Variants in PDE8B observed in about 807,000 individuals in gnomAD.
PDE8B encodes the protein high affinity cAMP-specific and IBMX-insensitive 3',5'-cyclic phosphodiesterase 8B.
A neutral mutation model predicts 101.3 loss-of-function variants in PDE8B; 26 were observed. The observed-to-expected ratio is 0.26, with a 90% CI of 0.19 to 0.36. The LOEUF is 0.36. PDE8B is among the 10% of genes least tolerant of loss of function. PDE8B has a pLI of 1.00. For missense variants in PDE8B, 810 were observed against 1,163.1 expected (o/e 0.70, Z 4.42); for synonymous variants, 424 against 429.3 (o/e 0.99, Z 0.15).
the PDE8B span, chr5:77,105,880 G>A: frequency 2.0e-5 from 3 of 152,150 alleles, no homozygotes; most frequent in African/African-American, 7.2e-5. Context: ...TAGTTTTAAT[G>A]TGCATTTTCC....
At chr5:77,242,882 G>A (rs1756060781) in intron 1 of PDE8B, among the ~76,000 whole-genome samples, 1 of 152,108 alleles carries the variant, frequency 6.6e-6, no homozygotes, top group African/African-American at 2.4e-5. Context: ...TAGCCAGGAT[G>A]GTCTTGATCT....
chr5:77,095,813 C>G, the PDE8B span, among the ~76,000 whole-genome samples: 42 of 152,174 alleles, frequency 2.8e-4, no homozygotes, highest in African/African-American at 1.0e-3. Context: ...AGCTTCACCA[C>G]AAATTTGAGG....
the PDE8B span, among the ~76,000 whole-genome samples, chr5:77,204,882 C>A: frequency 6.6e-6 from 1 of 152,328 alleles, no homozygotes; most frequent in East Asian, 1.9e-4. Context: ...TGCCTGATTG[C>A]TCTGTAAGTT....
In PDE8B at chr5:77,353,391, T is replaced by C. The variant is rs114017128; in HGVS notation, c.1152T>C (p.Thr384=). 336 of 1,601,020 alleles carry C rather than the reference T, an allele frequency of 2.1e-4. No homozygotes were observed. The African/African-American group carries it at 3.9e-3, about 18-fold the overall frequency. Residue 384 remains threonine (T), a synonymous_variant, in exon 10 of 22, where the codon ACT becomes ACC. Transcript: ENST00000264917. ...CGCTCAAGAAACTGTGTTGTACCAC[T>C]GACAATAATAAGCAGGTATGGTATT... ...FVSLKKLCCT[T]DNNKQIHKIH...
At chr5:77,215,810 G>A (rs1191238939) in intron 1 of PDE8B, among the ~76,000 whole-genome samples, 2 of 152,208 alleles carry the variant, frequency 1.3e-5, no homozygotes, top group Non-Finnish European at 2.9e-5. Context: ...AGAGTCCAGA[G>A]TTTGTTCAAC....
At position 77,421,965 on chromosome 5, in the gene PDE8B, A is replaced by T. The variant is rs1796740309; in HGVS notation, c.2395A>T (p.Ile799Phe). Residue 799 changes from isoleucine (I) to phenylalanine (F), a missense_variant, in exon 20 of 22, where the codon ATC (isoleucine) becomes TTC (phenylalanine). Coordinates refer to ENST00000264917, the MANE Select transcript of PDE8B (RefSeq NM_003719.5). ...CCTGTGCATTGAATGGGCTGGGAGG[A>T]TCTCTGAGGAGTATTTTGCACAGGT... The part of the protein sequence containing the change: ...LDLCIEWAGR[I>F]SEEYFAQTDE... 2 of 1,614,144 alleles carry T rather than the reference A, an allele frequency of 1.2e-6. No individual in the cohort carries two copies. The highest frequency in any genetic ancestry group is 1.7e-6 in the Non-Finnish European group (2 of 1,180,018).
At chr5:77,384,684 G>A (rs937279264) in intron 10 of PDE8B, among the ~76,000 whole-genome samples, 2 of 152,106 alleles carry the variant, frequency 1.3e-5, no homozygotes, top group Non-Finnish European at 2.9e-5. Context: ...TAGTGTGAAG[G>A]CCTGTTGAAT....
chr5:77,413,451 T>A, intron 17 of PDE8B, 142 bp downstream of exon 17: 1 of 685,922 alleles, frequency 1.5e-6, no homozygotes, highest in Non-Finnish European at 2.5e-6. Flanking sequence ...CCAAATTGAC[T>A]AGTCACTTTG....
intron 20 of PDE8B, among the ~76,000 whole-genome samples, chr5:77,422,903 T>A (rs1047669699): frequency 6.6e-6 from 1 of 152,226 alleles, no homozygotes. Flanking sequence ...GGGGTACATG[T>A]GCAGGTTTGT....
chr5:77,341,814 A>G (rs370326536), intron 6 of PDE8B, among the ~76,000 whole-genome samples: 2 of 152,168 alleles, frequency 1.3e-5, no homozygotes, highest in Non-Finnish European at 2.9e-5. Flanking sequence ...CTTGTTTCTT[A>G]TTTTAAATTG....
intron 1 of PDE8B, among the ~76,000 whole-genome samples, chr5:77,278,113 C>T (rs1299783581): frequency 6.6e-6 from 1 of 152,086 alleles, no homozygotes; most frequent in African/African-American, 2.4e-5. Context: ...CTTTATAATT[C>T]TCATGTTTTC....
At chr5:77,307,137 G>A (rs774344535) in intron 1 of PDE8B, among the ~76,000 whole-genome samples, 1 of 152,044 alleles carries the variant, frequency 6.6e-6, no homozygotes, top group Non-Finnish European at 1.5e-5. Flanking sequence ...CTTCCCAGTC[G>A]ACCCTTTCTC....
chr5:77,238,228 T>C (rs1373922179), intron 1 of PDE8B, among the ~76,000 whole-genome samples: 2 of 152,208 alleles, frequency 1.3e-5, no homozygotes, highest in Admixed American at 6.5e-5. Flanking sequence ...GACCTTTTGT[T>C]ATTGTTCAGG....
the PDE8B span, among the ~76,000 whole-genome samples, chr5:77,090,888 C>T: frequency 2.7e-4 from 41 of 152,248 alleles, no homozygotes; most frequent in African/African-American, 8.9e-4. Flanking sequence ...ACTGCAGATA[C>T]TTCTTGGAGA....
chr5:77,351,034 A>C (rs1358124355), intron 8 of PDE8B, 31 bp from the exon 9 acceptor site: 1 of 1,536,488 alleles, frequency 6.5e-7, no homozygotes, highest in Non-Finnish European at 9.0e-7. Context: ...CCTTGACTGA[A>C]GGATTTTAAG....
At chr5:77,118,003 C>T in the PDE8B span, among the ~76,000 whole-genome samples, 4 of 152,024 alleles carry the variant, frequency 2.6e-5, no homozygotes, top group African/African-American at 7.2e-5. Flanking sequence ...GGTGCAATCT[C>T]GGCTCACTGA....
the PDE8B span, among the ~76,000 whole-genome samples, chr5:77,191,426 C>T: frequency 6.6e-6 from 1 of 151,628 alleles, no homozygotes; most frequent in African/African-American, 2.4e-5. Flanking sequence ...GATCTTGGCT[C>T]ACTGCAAGCT....
the PDE8B span, among the ~76,000 whole-genome samples, chr5:77,122,637 A>C: frequency 6.6e-6 from 1 of 152,174 alleles, no homozygotes; most frequent in African/African-American, 2.4e-5. Flanking sequence ...ACATAACACC[A>C]TGTATCAGCT....
chr5:77,290,125 A>T (rs991538618), intron 1 of PDE8B: 4 of 1,069,776 alleles, frequency 3.7e-6, no homozygotes, highest in Admixed American at 4.0e-5. Flanking sequence ...AAGTATTATT[A>T]CCCCTAGTTC....
Sources: allele counts gnomAD v4.1 joint callset (sites outside exome capture counted in the v4.1 genomes callset), GRCh38; gene constraint gnomAD v4.1.1; transcripts MANE v1.5; gene names NCBI Gene and HGNC (gene_info 2026-07-23, HGNC 2026-07-21).